EPHB1: variants seen among roughly 807,000 people sequenced by gnomAD.
EPHB1 encodes the protein ephrin type-B receptor 1.
A neutral mutation model predicts 94.4 loss-of-function variants in EPHB1; 30 were observed. The observed-to-expected ratio is 0.32, with a 90% CI of 0.24 to 0.43. The LOEUF is 0.43. Among genes scored for constraint, EPHB1 ranks in the 20% least tolerant of loss-of-function variants. The probability of loss-of-function intolerance (pLI) is 1.00; values close to 1 mark genes in which losing one functional copy is unlikely to be tolerated. For missense variants in EPHB1, 1,055 were observed against 1,308.3 expected, an observed-to-expected ratio of 0.81 and a Z score of 2.99; for synonymous variants, 522 against 489.1, an observed-to-expected ratio of 1.07 and a Z score of -0.89.
chr3:134,995,478 A>G (rs1934959535), intron 3 of EPHB1, among the ~76,000 whole-genome samples: 1 of 152,208 alleles, frequency 6.6e-6, no homozygotes, highest in Admixed American at 6.5e-5. Context: ...TTTTTATGTG[A>G]ACATATATTT....
chr3:135,005,949 G>A (rs556671761), intron 3 of EPHB1, among the ~76,000 whole-genome samples: 11 of 152,304 alleles, frequency 7.2e-5, no homozygotes, highest in African/African-American at 1.9e-4. Context: ...GCTGTAGACC[G>A]GAGCTGTTCC....
chr3:135,099,098 T>G (rs1938928028), intron 3 of EPHB1, among the ~76,000 whole-genome samples: 1 of 106,850 alleles, frequency 9.4e-6, no homozygotes, highest in African/African-American at 3.3e-5. Context: ...ATTAATATCA[T>G]ATTTGTTGTT....
At chr3:134,964,656 T>G (rs1357885447) in intron 3 of EPHB1, among the ~76,000 whole-genome samples, 1 of 152,210 alleles carries the variant, frequency 6.6e-6, no homozygotes, top group Non-Finnish European at 1.5e-5. Flanking sequence ...TGGATCTGAA[T>G]GTGGAGGCCC....
chr3:134,940,888 T>C (rs1477521487), intron 2 of EPHB1, among the ~76,000 whole-genome samples: 1 of 152,238 alleles, frequency 6.6e-6, no homozygotes, highest in Non-Finnish European at 1.5e-5. Context: ...GCTGCTGTAG[T>C]AGATGTTTGA....
intron 3 of EPHB1, among the ~76,000 whole-genome samples, chr3:134,973,394 G>A (rs1042995173): frequency 2.0e-5 from 3 of 149,970 alleles, no homozygotes; most frequent in Non-Finnish European, 4.4e-5. Flanking sequence ...GAGAGGAACC[G>A]AGCAGAAGCA....
chr3:134,899,039 A>G (rs1011289181), intron 1 of EPHB1, among the ~76,000 whole-genome samples: 4 of 152,122 alleles, frequency 2.6e-5, no homozygotes, highest in East Asian at 1.9e-4. Flanking sequence ...TTGTCTCCCA[A>G]TAGATGAGGA....
chr3:134,817,092 G>A (rs956676123), intron 1 of EPHB1, among the ~76,000 whole-genome samples: 1 of 152,092 alleles, frequency 6.6e-6, no homozygotes, highest in Non-Finnish European at 1.5e-5. Context: ...GTTTAAGGGG[G>A]CACTAAAGAT....
intron 3 of EPHB1, among the ~76,000 whole-genome samples, chr3:134,990,093 T>C (rs1559785199): frequency 6.6e-6 from 1 of 152,206 alleles, no homozygotes; most frequent in Non-Finnish European, 1.5e-5. Flanking sequence ...AATTCATTAA[T>C]TTATCTCTTA....
At chr3:134,922,267 T>C (rs1291388932) in intron 1 of EPHB1, among the ~76,000 whole-genome samples, 1 of 152,242 alleles carries the variant, frequency 6.6e-6, no homozygotes. Flanking sequence ...TCCAGGGAGA[T>C]GTAAACCTGC....
intron 1 of EPHB1, among the ~76,000 whole-genome samples, chr3:134,893,777 A>G (rs2038033077): frequency 1.3e-5 from 2 of 152,344 alleles, no homozygotes; most frequent in African/African-American, 4.8e-5. Context: ...GCATTTGGGT[A>G]ACTCCTTGCA....
chr3:134,872,898 A>G (rs990403952), intron 1 of EPHB1, among the ~76,000 whole-genome samples: 1 of 152,192 alleles, frequency 6.6e-6, no homozygotes, highest in African/African-American at 2.4e-5. Context: ...AAGAAAACCC[A>G]GCAGAGGTTT....
chr3:135,114,616 C>T (rs1026820395), intron 4 of EPHB1, among the ~76,000 whole-genome samples: 2 of 147,036 alleles, frequency 1.4e-5, no homozygotes, highest in East Asian at 4.0e-4. Context: ...CCCAGCTACT[C>T]GGAGGCTGAG....
chr3:134,863,990 A>G (rs1265167418), intron 1 of EPHB1, among the ~76,000 whole-genome samples: 1 of 152,148 alleles, frequency 6.6e-6, no homozygotes, highest in Non-Finnish European at 1.5e-5. Flanking sequence ...GGGGTGGGAA[A>G]TCTACAGCAT....
At chr3:135,251,263 G>C (rs1933078631) in intron 15 of EPHB1, among the ~76,000 whole-genome samples, 1 of 152,192 alleles carries the variant, frequency 6.6e-6, no homozygotes, top group African/African-American at 2.4e-5. Context: ...GCACTTACCA[G>C]TGGGAAACCA....
At chr3:135,088,842 A>T (rs1938455528) in intron 3 of EPHB1, among the ~76,000 whole-genome samples, 1 of 152,242 alleles carries the variant, frequency 6.6e-6, no homozygotes, top group African/African-American at 2.4e-5. Context: ...GTGATGACAC[A>T]TTGTCTATAC....
At chr3:135,161,486 C>T (rs1941505149) in intron 6 of EPHB1, among the ~76,000 whole-genome samples, 1 of 152,116 alleles carries the variant, frequency 6.6e-6, no homozygotes, top group Admixed American at 6.5e-5. Context: ...GGACACAAAG[C>T]CTTTTGCCTG....
chr3:135,260,302 G>A lies in EPHB1; in HGVS notation c.*1182G>A, dbSNP rs1373580387. On this transcript the variant is annotated 3_prime_UTR_variant, in exon 16 of 16. Coordinates refer to ENST00000398015, the MANE Select transcript of EPHB1 (RefSeq NM_004441.5). ...GGCATCCGAGGAATGTTTCAAATGT[G>A]TCTGTGTTTCTCTTTACATTCCTTG... is the stretch of plus-strand genomic sequence containing the variant. 4.3e-6 allele frequency: 1 copy of A among 232,850 alleles called. No homozygotes were observed. Among genetic ancestry groups the A allele is most frequent in the African/African-American group, 2.2e-5 (1 of 45,304 alleles). 14.4% of individuals were successfully genotyped at this position (232,850 alleles called of 1,614,324 possible).
chr3:134,839,216 C>T (rs1359957047), intron 1 of EPHB1, among the ~76,000 whole-genome samples: 1 of 152,138 alleles, frequency 6.6e-6, no homozygotes, highest in Non-Finnish European at 1.5e-5. Context: ...GTCTTTCTTC[C>T]CTCACTGCCT....
At chr3:134,919,568 G>A (rs1463810011) in intron 1 of EPHB1, among the ~76,000 whole-genome samples, 1 of 152,148 alleles carries the variant, frequency 6.6e-6, no homozygotes, top group Non-Finnish European at 1.5e-5. Flanking sequence ...CACCTTTAGT[G>A]CTGGGCTCCT....
Sources: allele counts gnomAD v4.1 joint callset (sites outside exome capture counted in the v4.1 genomes callset), GRCh38; gene constraint gnomAD v4.1.1; transcripts MANE v1.5; gene names NCBI Gene and HGNC (gene_info 2026-07-23, HGNC 2026-07-21).